ZBTB44: variants seen among roughly 807,000 people sequenced by gnomAD.
ZBTB44 encodes zinc finger and BTB domain containing 44, also known as zinc finger and BTB domain-containing protein 44.
Under a neutral mutation model 54.0 loss-of-function variants are expected in ZBTB44, and 15 were observed. The observed-to-expected ratio is 0.28, with a 90% CI of 0.19 to 0.43. ZBTB44 has a LOEUF of 0.43. Among genes scored for constraint, ZBTB44 ranks in the 20% least tolerant of loss-of-function variants. The pLI is 1.00. For synonymous variants in ZBTB44, 230 were observed against 250.1 expected, an observed-to-expected ratio of 0.92 and a Z score of 0.76; for missense variants, 487 against 707.1, an observed-to-expected ratio of 0.69 and a Z score of 3.53.
intron 1 of ZBTB44, among the ~76,000 whole-genome samples, chr11:130,280,836 A>G (rs1160866168): frequency 2.6e-5 from 4 of 152,280 alleles, no homozygotes; most frequent in East Asian, 1.9e-4. Context: ...TTTTCCTTTC[A>G]TATCTCTATG....
intron 2 of ZBTB44, among the ~76,000 whole-genome samples, chr11:130,254,258 A>C: frequency 6.6e-6 from 1 of 152,222 alleles, no homozygotes; most frequent in East Asian, 1.9e-4. Context: ...TAGCAAAAGA[A>C]ACTACCATCA....
chr11:130,291,078 G>A (rs1941277087), intron 1 of ZBTB44, among the ~76,000 whole-genome samples: 2 of 151,874 alleles, frequency 1.3e-5, no homozygotes, highest in Admixed American at 1.3e-4. Context: ...GATCTCCACA[G>A]GTCAAATTCT....
At chr11:130,304,655 A>C (rs1942172297) in intron 1 of ZBTB44, among the ~76,000 whole-genome samples, 1 of 152,290 alleles carries the variant, frequency 6.6e-6, no homozygotes, top group Non-Finnish European at 1.5e-5. Context: ...AGTGCTCTAC[A>C]TATTCAGAGA....
intron 1 of ZBTB44, among the ~76,000 whole-genome samples, chr11:130,307,314 G>A (rs1209176075): frequency 6.6e-6 from 1 of 151,574 alleles, no homozygotes; most frequent in Non-Finnish European, 1.5e-5. Flanking sequence ...AGTCCCAGCT[G>A]CTTGGGAGGC....
At chr11:130,235,524 CA>C (rs1954070474) in intron 5 of ZBTB44, among the ~76,000 whole-genome samples, 1 of 152,136 alleles carries the variant, frequency 6.6e-6, no homozygotes, top group Admixed American at 6.5e-5. Context: ...GGTTTTAAGT[CA>C]GGGGTGGTGC....
At chr11:130,313,930 G>T (rs1251675235) in intron 1 of ZBTB44, among the ~76,000 whole-genome samples, 4 of 94,848 alleles carry the variant, frequency 4.2e-5, no homozygotes, top group African/African-American at 1.6e-4. Context: ...GTGTATGTGT[G>T]TGTGTGTTTG....
chr11:130,296,209 G>A (rs1941633158), intron 1 of ZBTB44: 5 of 1,291,098 alleles, frequency 3.9e-6, no homozygotes, highest in Non-Finnish European at 4.4e-6. Flanking sequence ...TTGTATGTTA[G>A]TGTTGATGAT....
intron 1 of ZBTB44, among the ~76,000 whole-genome samples, chr11:130,299,450 G>C (rs1941868709): frequency 6.6e-6 from 1 of 152,088 alleles, no homozygotes; most frequent in Non-Finnish European, 1.5e-5. Flanking sequence ...CTACTTGGGA[G>C]GCTGGGGCAG....
intron 2 of ZBTB44, among the ~76,000 whole-genome samples, chr11:130,242,537 C>T (rs927659431): frequency 7.0e-5 from 6 of 86,196 alleles, no homozygotes; most frequent in African/African-American, 1.8e-4. Context: ...TGTTTGAAAA[C>T]ATATTTATTT....
chr11:130,294,295 G>A lies in ZBTB44; in HGVS notation c.-57+20080C>T, dbSNP rs553433257. Among the ~76,000 whole-genome samples, 9 of 151,924 alleles carry A rather than the reference G, an allele frequency of 5.9e-5. No homozygotes were observed. In the South Asian group the frequency reaches 1.9e-3, roughly 32 times the overall value. ...GTGGTGGTGCACGCCTGTAACCCCA[G>A]CTACTACTCAGGCGCCTGAGGCACA... On this transcript the variant is annotated intron_variant, in intron 1 of 7. Transcript: ENST00000357899.
chr11:130,250,758 C>A (rs538319500), intron 2 of ZBTB44, among the ~76,000 whole-genome samples: 2 of 152,276 alleles, frequency 1.3e-5, no homozygotes, highest in East Asian at 3.9e-4. Flanking sequence ...AGAACCTCCA[C>A]ACAGACGCCC....
chr11:130,261,019 T>A lies in ZBTB44; in HGVS notation c.855A>T (p.Glu285Asp), dbSNP rs199858975. 172 of 1,613,784 alleles carry A rather than the reference T, an allele frequency of 1.1e-4. 1 individual carries two copies. The highest frequency in any genetic ancestry group is 1.6e-4 in the Middle Eastern group (1 of 6,084). The change falls in exon 2 of 8, where the codon GAA (glutamate) becomes GAT (aspartate). Residue 285 changes from glutamate (E) to aspartate (D), a missense_variant. Transcript: ENST00000357899. This position sits in a 1 kb window ranked among gnomAD's most constrained non-coding sequence, Gnocchi z 4.8. ...TKTTLPLGTE[E>D]DVRVKVERLS... is the part of the protein sequence containing the mutation. ...ATCTTTCTACTTTGACCCGGACATC[T>A]TCTTCGGTACCTAAAGGCAAGGTAG...
chr11:130,310,865 T>G (rs1286177064), intron 1 of ZBTB44, among the ~76,000 whole-genome samples: 1 of 152,184 alleles, frequency 6.6e-6, no homozygotes, highest in Non-Finnish European at 1.5e-5. Flanking sequence ...GCTTCCCAAG[T>G]AGCTGAGACT....
At chr11:130,292,917 T>C (rs1273698020) in intron 1 of ZBTB44, among the ~76,000 whole-genome samples, 1 of 152,236 alleles carries the variant, frequency 6.6e-6, no homozygotes, top group Admixed American at 6.5e-5. Flanking sequence ...AATAGAGCAG[T>C]ACCTCATATT....
At chr11:130,275,848 G>A (rs1173632101) in intron 1 of ZBTB44, among the ~76,000 whole-genome samples, 48 of 151,926 alleles carry the variant, frequency 3.2e-4, no homozygotes, top group Admixed American at 3.0e-3. Context: ...GGATGGTCTC[G>A]ATCTCTTGGC....
chr11:130,244,720 A>G (rs1690049752), intron 2 of ZBTB44, among the ~76,000 whole-genome samples: 1 of 151,688 alleles, frequency 6.6e-6, no homozygotes, highest in African/African-American at 2.4e-5. Context: ...CAGTTTGTAC[A>G]CCACTACATA....
At chr11:130,233,979 C>T in intron 6 of ZBTB44, 177 bp downstream of exon 6, 1 of 1,430,438 alleles carries the variant, frequency 7.0e-7, no homozygotes, top group South Asian at 1.3e-5. Flanking sequence ...AAACTGAAGC[C>T]AAATCACAAA....
rs549747229 is a variant in ZBTB44, at chr11:130,312,898, G to A, written c.-57+1477C>T. 5.8e-4 allele frequency among the ~76,000 whole-genome samples: 89 copies of A among 152,256 alleles called. 1 individual carries two copies. Among genetic ancestry groups the A allele is most frequent in the African/African-American group, 2.1e-3 (86 of 41,548 alleles). On this transcript the variant is annotated intron_variant, in intron 1 of 7. Coordinates refer to ENST00000357899, the MANE Select transcript of ZBTB44 (RefSeq NM_001301098.2). The stretch of plus-strand genomic sequence containing the variant: ...GGAAACACATGCCGAAATATTTGAG[G>A]ATTACAGTGTTTGCAGCTTACTTTC...
rs1017736617 is a variant in ZBTB44 at position 130,296,425 on chromosome 11, A to G, written c.-57+17950T>C. 3.6e-6 allele frequency: 5 copies of G among 1,408,066 alleles called. No individual in the cohort carries two copies. The African/African-American group carries it at 4.3e-5, about 12-fold the overall frequency. The allele number at this position is 1,408,066 out of a possible 1,614,324, so 87.2% of individuals were successfully genotyped here. ...GTCTTGGCCATTCATGGAAAGCAAA[A>G]GCAAAATAAATGTACGACCACATTC... is the stretch of plus-strand genomic sequence containing the variant. On this transcript the variant is annotated intron_variant, in intron 1 of 7. Transcript: ENST00000357899.
Sources: gnomAD v4.1 joint callset for allele counts (sites outside exome capture counted in the v4.1 genomes callset) on GRCh38, gnomAD v4.1.1 for gene constraint, Gnocchi (gnomAD v3.1) non-coding constraint, MANE v1.5 for transcripts, NCBI Gene and HGNC (gene_info 2026-07-23, HGNC 2026-07-21) for gene names.